Variants in SDK1 observed in about 807,000 individuals in gnomAD.
The protein encoded by SDK1 is sidekick cell adhesion molecule 1.
In SDK1, 157 loss-of-function variants were observed where a neutral mutation model predicts 245.5. The observed-to-expected ratio is 0.64, with a 90% CI of 0.56 to 0.73. The LOEUF is 0.73. Ranked by LOEUF, SDK1 falls within the 30% of genes least tolerant of loss-of-function variation. The pLI, the probability that SDK1 is intolerant of heterozygous loss-of-function variation, is 0.00. For missense variants in SDK1, 3,583 were observed against 3,002.3 expected, an observed-to-expected ratio of 1.19 and a Z score of -4.52; for synonymous variants, 1,647 against 1,278.5, an observed-to-expected ratio of 1.29 and a Z score of -6.15.
chr7:3,312,827 G>T (rs930079544), intron 1 of SDK1, among the ~76,000 whole-genome samples: 2 of 152,054 alleles, frequency 1.3e-5, no homozygotes, highest in African/African-American at 2.4e-5. Context: ...TTAGAAGATA[G>T]AATGGCTGAG....
intron 1 of SDK1, among the ~76,000 whole-genome samples, chr7:3,559,570 C>G (rs17133555): frequency 0.24 from 36,017 of 152,004 alleles, 4,432 homozygotes; most frequent in East Asian, 0.35. Context: ...CATTGACGCT[C>G]TTTTCTGATT....
At chr7:4,098,668 CT>C (rs559339108) in intron 22 of SDK1, among the ~76,000 whole-genome samples, 1 of 151,238 alleles carries the variant, frequency 6.6e-6, no homozygotes, top group Non-Finnish European at 1.5e-5. Context: ...TCGGTTTTTT[CT>C]TTTTTTTGTT....
chr7:3,481,665 T>C (rs1781527051), intron 1 of SDK1, among the ~76,000 whole-genome samples: 1 of 152,180 alleles, frequency 6.6e-6, no homozygotes, highest in Non-Finnish European at 1.5e-5. Context: ...TTGGGAAAGG[T>C]CACGGCTCGT....
chr7:4,192,003 C>T (rs1378426206), intron 35 of SDK1, among the ~76,000 whole-genome samples: 1 of 152,222 alleles, frequency 6.6e-6, no homozygotes, highest in Non-Finnish European at 1.5e-5. Context: ...CTCCTCCTCT[C>T]CAGCCACACT....
At chr7:4,120,595 A>G (rs1351101184) in intron 25 of SDK1, among the ~76,000 whole-genome samples, 1 of 148,880 alleles carries the variant, frequency 6.7e-6, no homozygotes, top group Non-Finnish European at 1.5e-5. Context: ...CAAAATAGAT[A>G]TATTGTTTTG....
intron 1 of SDK1, among the ~76,000 whole-genome samples, chr7:3,344,887 G>A (rs1780452964): frequency 6.6e-6 from 1 of 152,158 alleles, no homozygotes; most frequent in Non-Finnish European, 1.5e-5. Flanking sequence ...CAGTCTTACT[G>A]TTGTACAGTA....
At chr7:3,991,148 C>G (rs1229440413) in intron 14 of SDK1, among the ~76,000 whole-genome samples, 1 of 152,210 alleles carries the variant, frequency 6.6e-6, no homozygotes, top group Non-Finnish European at 1.5e-5. Flanking sequence ...CAGAGAAAGT[C>G]TTCAAAGAAG....
At chr7:4,143,571 G>A (rs1197495291) in intron 28 of SDK1, among the ~76,000 whole-genome samples, 2 of 152,222 alleles carry the variant, frequency 1.3e-5, no homozygotes, top group Non-Finnish European at 2.9e-5. Flanking sequence ...GGCAGAGCGG[G>A]ATTCCAGCCC....
chr7:3,349,157 C>T (rs766406160), intron 1 of SDK1, among the ~76,000 whole-genome samples: 27 of 151,444 alleles, frequency 1.8e-4, no homozygotes, highest in South Asian at 6.3e-4. Flanking sequence ...CTCAGTCCCC[C>T]ATTGCCTTCA....
chr7:3,721,356 C>A (rs10268585), intron 4 of SDK1, among the ~76,000 whole-genome samples: 92,671 of 152,084 alleles, frequency 0.61, 30,909 homozygotes, highest in African/African-American at 0.9. Flanking sequence ...TTACTCAGCA[C>A]GATGTTGGCA....
At chr7:3,600,988 T>C (rs555890064) in intron 1 of SDK1, among the ~76,000 whole-genome samples, 1 of 152,012 alleles carries the variant, frequency 6.6e-6, no homozygotes, top group Non-Finnish European at 1.5e-5. Context: ...CTCACCTAAT[T>C]TTTTTCCTTA....
chr7:4,216,149 G>A (rs181458488), intron 38 of SDK1, among the ~76,000 whole-genome samples: 188 of 152,342 alleles, frequency 1.2e-3, no homozygotes, highest in African/African-American at 4.2e-3. Context: ...AAGGGAGGAC[G>A]TGAACTCTCT....
chr7:3,693,068 C>T (rs1039493692), intron 4 of SDK1, among the ~76,000 whole-genome samples: 1 of 151,632 alleles, frequency 6.6e-6, no homozygotes, highest in East Asian at 1.9e-4. Flanking sequence ...ATTTTAGATG[C>T]CATATTATAT....
At chr7:3,481,816 C>CT (rs1781531662) in intron 1 of SDK1, among the ~76,000 whole-genome samples, 1 of 152,186 alleles carries the variant, frequency 6.6e-6, no homozygotes, top group Non-Finnish European at 1.5e-5. Flanking sequence ...ACTGTCCTAC[C>CT]TTTTGTGAAA....
chr7:4,111,505 G>A (rs767869453), intron 23 of SDK1, among the ~76,000 whole-genome samples: 10 of 151,264 alleles, frequency 6.6e-5, no homozygotes, highest in East Asian at 1.9e-4. Context: ...TTTTCTTTCC[G>A]GCACAAAACC....
At chr7:3,370,820 T>C (rs1194355728) in intron 1 of SDK1, among the ~76,000 whole-genome samples, 1 of 152,218 alleles carries the variant, frequency 6.6e-6, no homozygotes, top group Non-Finnish European at 1.5e-5. Flanking sequence ...CCTTGGGTCA[T>C]GCTGAGTGGT....
chr7:3,559,923 T>C (rs577441362), intron 1 of SDK1, among the ~76,000 whole-genome samples: 6 of 152,318 alleles, frequency 3.9e-5, no homozygotes, highest in African/African-American at 1.4e-4. Context: ...GGATGATTGA[T>C]GTTGAATAAA....
At position 4,233,407 on chromosome 7, in the gene SDK1, A is replaced by G; in HGVS notation, c.5980A>G (p.Thr1994Ala). 1 of 1,612,242 alleles carries G rather than the reference A, an allele frequency of 6.2e-7. No homozygotes were observed. Among genetic ancestry groups the G allele is most frequent in the African/African-American group, 1.3e-5 (1 of 74,984 alleles). Residue 1994 changes from threonine (T) to alanine (A), a missense_variant, in exon 41 of 45, where the codon ACG (threonine) becomes GCG (alanine). Transcript: ENST00000404826. ...CTACGGGGAGCCCAGCAACCCCTCC[A>G]CGGCTGTGTCAGGTAGGCCCTCCCA... ...AGYGEPSNPS[T>A]AVSAQVEAPF...
chr7:4,267,578 T>C lies in SDK1; in HGVS notation c.*2194T>C, dbSNP rs1443522783. The C allele has an allele frequency of 2.0e-6, 2 of 985,362 alleles. No homozygotes were observed. Among genetic ancestry groups the C allele is most frequent in the East Asian group, 2.3e-4 (2 of 8,828 alleles). The allele number at this position is 985,362 out of a possible 1,614,324, so 61.0% of individuals were successfully genotyped here. A position where few individuals can be genotyped will look rare whatever the true frequency, so the allele number is the denominator to read the frequency against. The stretch of plus-strand genomic sequence containing the variant: ...GAAGAGAAGCGATAAATGGAGACCA[T>C]GGCCAGCGCTGCTTTCTGTGCACTC... On this transcript the variant is annotated 3_prime_UTR_variant, in exon 45 of 45. Coordinates refer to ENST00000404826, the MANE Select transcript of SDK1 (RefSeq NM_152744.4).
Sources: allele counts gnomAD v4.1 joint callset (sites outside exome capture counted in the v4.1 genomes callset), GRCh38; gene constraint gnomAD v4.1.1; transcripts MANE v1.5; gene names NCBI Gene and HGNC (gene_info 2026-07-23, HGNC 2026-07-21).